Variants in ATAD2B observed in about 807,000 individuals in gnomAD.
ATAD2B encodes the protein ATPase family AAA domain containing 2B, also known as ATPase family AAA domain-containing protein 2B.
A neutral mutation model predicts 167.6 loss-of-function variants in ATAD2B; 40 were observed. That is an observed-to-expected ratio of 0.24 (90% confidence interval 0.19 to 0.31). The LOEUF is 0.31. ATAD2B is among the 10% of genes least tolerant of loss of function. The probability of loss-of-function intolerance (pLI) is 1.00; values close to 1 mark genes in which losing one functional copy is unlikely to be tolerated. For missense variants in ATAD2B, 1,242 were observed against 1,757.2 expected (o/e 0.71, Z 5.24); for synonymous variants, 579 against 596.5 (o/e 0.97, Z 0.43).
At chr2:23,747,731 G>A (rs61532684), downstream of ATAD2B, among the ~76,000 whole-genome samples, 186 of 152,136 alleles carry the variant, frequency 1.2e-3, no homozygotes, top group African/African-American at 4.3e-3. Context: ...CCACATGCCT[G>A]GCATAATGTC....
chr2:23,904,752 G>A (rs1558772236), intron 1 of ATAD2B, among the ~76,000 whole-genome samples: 1 of 152,056 alleles, frequency 6.6e-6, no homozygotes. Context: ...TTTCCTTATA[G>A]GACAGGCTTT....
intron 7 of ATAD2B, among the ~76,000 whole-genome samples, chr2:23,877,438 G>A (rs1242516068): frequency 6.7e-6 from 1 of 149,064 alleles, no homozygotes; most frequent in Non-Finnish European, 1.5e-5. Flanking sequence ...AGGTTGCAGT[G>A]AGCTGAGATC....
chr2:23,800,055 A>G (rs1369918587), intron 18 of ATAD2B: 1 of 151,028 alleles, frequency 6.6e-6, no homozygotes, highest in African/African-American at 2.4e-5. Flanking sequence ...AGAACCATGC[A>G]GAAGCACAAA....
chr2:23,694,071 G>A, the ATAD2B span, among the ~76,000 whole-genome samples: 10 of 152,226 alleles, frequency 6.6e-5, no homozygotes, highest in Non-Finnish European at 1.3e-4. Flanking sequence ...GCTAATAACA[G>A]TGACAGCCAC....
chr2:23,691,962 GGTCT>G, the ATAD2B span: 1 of 1,367,388 alleles, frequency 7.3e-7, no homozygotes, highest in Non-Finnish European at 1.0e-6. Context: ...TGAGCGGGGA[GGTCT>G]GTGTGTGCAC....
chr2:23,827,054 T>C (rs547950213), intron 15 of ATAD2B, among the ~76,000 whole-genome samples: 1 of 152,274 alleles, frequency 6.6e-6, no homozygotes, highest in African/African-American at 2.4e-5. Flanking sequence ...AAAATTACTA[T>C]TTCACGCCCG....
the ATAD2B span, chr2:23,706,847 C>T: frequency 2.5e-5 from 13 of 521,944 alleles, no homozygotes; most frequent in East Asian, 2.1e-4. Context: ...TTGGATGAAA[C>T]GGAGGCACCG....
At chr2:23,745,412 G>GGAAC, downstream of ATAD2B, among the ~76,000 whole-genome samples, 1 of 114,808 alleles carries the variant, frequency 8.7e-6, no homozygotes, top group East Asian at 2.1e-4. Flanking sequence ...AAGGAAGGAA[G>GGAAC]GAAGGAAGGA....
At chr2:23,808,489 T>C (rs952098770) in intron 18 of ATAD2B, among the ~76,000 whole-genome samples, 1 of 151,982 alleles carries the variant, frequency 6.6e-6, no homozygotes, top group African/African-American at 2.4e-5. Flanking sequence ...TGCTAATTCC[T>C]ACGTAAACTT....
the ATAD2B span, chr2:23,684,543 C>A: frequency 6.5e-7 from 1 of 1,542,720 alleles, no homozygotes; most frequent in Non-Finnish European, 8.7e-7. The surrounding 1 kb of genome is among the most constrained non-coding windows in gnomAD (Gnocchi z 4.4). Flanking sequence ...CAAAGGTTTG[C>A]CTTCCTTCCA....
chr2:23,685,681 T>G, the ATAD2B span, among the ~76,000 whole-genome samples: 2 of 152,168 alleles, frequency 1.3e-5, no homozygotes, highest in Non-Finnish European at 2.9e-5. Context: ...TCCCATCTCA[T>G]GGACACCTCA....
chr2:23,827,161 G>C (rs969290513), intron 15 of ATAD2B, among the ~76,000 whole-genome samples: 2 of 151,948 alleles, frequency 1.3e-5, no homozygotes, highest in Non-Finnish European at 2.9e-5. Flanking sequence ...AATTATAATG[G>C]ATTTTTATGT....
the ATAD2B span, among the ~76,000 whole-genome samples, chr2:23,741,169 C>T: frequency 6.6e-6 from 1 of 151,664 alleles, no homozygotes; most frequent in South Asian, 2.1e-4. Flanking sequence ...ATCAAGCTAC[C>T]AATGACTTTC....
intron 14 of ATAD2B, among the ~76,000 whole-genome samples, chr2:23,833,503 G>A (rs1053681729): frequency 2.0e-5 from 3 of 152,030 alleles, no homozygotes; most frequent in Admixed American, 1.3e-4. Context: ...AAAGTTTGTT[G>A]CTTTTAATTA....
chr2:23,774,951 C>A (rs893510401), intron 22 of ATAD2B, among the ~76,000 whole-genome samples: 1 of 152,070 alleles, frequency 6.6e-6, no homozygotes, highest in Non-Finnish European at 1.5e-5. Flanking sequence ...AAAATTTACT[C>A]ATCGGCCACA....
At position 23,786,198 on chromosome 2, in the gene ATAD2B, A is replaced by G. The variant is rs1247226766; in HGVS notation, c.2802T>C (p.Pro934=). 5.7e-6 allele frequency: 9 copies of G among 1,585,634 alleles called. No individual in the cohort carries two copies. Among genetic ancestry groups the G allele is most frequent in the African/African-American group, 1.3e-5 (1 of 74,342 alleles). Residue 934 remains proline (P), a synonymous_variant, in exon 21 of 28, where the codon CCT becomes CCC. Transcript: ENST00000238789. ...GACGAGGTGGAGAAGGTAGTGCAAG[A>G]GGAAGCACTTCCATAGCACAAAGAG... ...HAALCAMEVL[P]LALPSPPRQL...
chr2:23,768,406 A>T (rs1038465895), intron 22 of ATAD2B, among the ~76,000 whole-genome samples: 1 of 151,926 alleles, frequency 6.6e-6, no homozygotes, highest in African/African-American at 2.4e-5. Context: ...TCCACCCTGT[A>T]CAAAAAGTAC....
the ATAD2B span, among the ~76,000 whole-genome samples, chr2:23,742,218 G>A: frequency 1.3e-5 from 2 of 152,118 alleles, no homozygotes; most frequent in Non-Finnish European, 2.9e-5. Flanking sequence ...ATACCCAAAG[G>A]ATTATAAATC....
intron 1 of ATAD2B, among the ~76,000 whole-genome samples, chr2:23,915,439 G>C (rs1702894115): frequency 7.2e-6 from 1 of 138,392 alleles, no homozygotes; most frequent in Non-Finnish European, 1.6e-5. Context: ...ACAAAGTCTT[G>C]ATTAAAAAAA....
Sources: allele counts gnomAD v4.1 joint callset (sites outside exome capture counted in the v4.1 genomes callset), GRCh38; gene constraint gnomAD v4.1.1; non-coding constraint Gnocchi (gnomAD v3.1); transcripts MANE v1.5; gene names NCBI Gene and HGNC (gene_info 2026-07-23, HGNC 2026-07-21).